Variants in SRRM2 observed in about 807,000 individuals in gnomAD.
The protein encoded by SRRM2 is serine/arginine repetitive matrix protein 2.
In SRRM2, 30 loss-of-function variants were observed where a neutral mutation model predicts 213.8. The observed-to-expected ratio is 0.14, with a 90% CI of 0.10 to 0.19. The LOEUF is 0.19. SRRM2 is among the 10% of genes least tolerant of loss of function. The probability of loss-of-function intolerance (pLI) is 1.00; values close to 1 mark genes in which losing one functional copy is unlikely to be tolerated. For missense variants in SRRM2, 4,904 were observed against 3,647.0 expected, an observed-to-expected ratio of 1.34 and a Z score of -8.88; for synonymous variants, 2,025 against 1,377.7, an observed-to-expected ratio of 1.47 and a Z score of -10.40.
rs1022761967 is a variant in SRRM2 at position 2,767,738 on chromosome 16, C to G, written c.7210C>G (p.Arg2404Gly). The G allele has an allele frequency of 6.2e-7, 1 of 1,613,758 alleles. No homozygotes were observed. The highest frequency in any genetic ancestry group is 8.5e-7 in the Non-Finnish European group (1 of 1,179,934). Reference sequence around the variant, plus strand: ...CAGAACCTCACCACCGCTCCTTGACCGAGCTAGGTCCAGAACACCACCGTC... The same window carrying G: ...CAGAACCTCACCACCGCTCCTTGACGGAGCTAGGTCCAGAACACCACCGTC... ...SGRTSPPLLD[R>G]ARSRTPPSAP... The change falls in exon 11 of 15, where the codon CGA becomes GGA. Residue 2404 changes from arginine to glycine, a missense_variant. Coordinates refer to ENST00000301740, the MANE Select transcript of SRRM2 (RefSeq NM_016333.4).
Position 2,757,466 on chromosome 16 carries a change from C to G in SRRM2, c.243-6C>G. On this transcript the variant is annotated splice_polypyrimidine_tract_variant and splice_region_variant and intron_variant, in intron 2 of 14. Transcript: ENST00000301740. ...GAGCTTAACCCTGAAGGGATTTGTTCTTCAGGTACGAGGAACAGCAAATTC... is the reference window on the plus strand; with the variant it reads ...GAGCTTAACCCTGAAGGGATTTGTTGTTCAGGTACGAGGAACAGCAAATTC... 6.2e-7 allele frequency: 1 copy of G among 1,613,540 alleles called. No homozygotes were observed. The highest frequency in any genetic ancestry group is 8.5e-7 in the Non-Finnish European group (1 of 1,179,572).
intron 12 of SRRM2, chr16:2,770,053 C>A: frequency 9.3e-7 from 1 of 1,071,396 alleles, no homozygotes; most frequent in Non-Finnish European, 1.3e-6. Context: ...TCCCCAGAGC[C>A]ACGCACATCC....
At chr16:2,769,900 C>T (rs1428992468) in intron 12 of SRRM2, 2 of 454,462 alleles carry the variant, frequency 4.4e-6, no homozygotes, top group Non-Finnish European at 4.4e-6. Flanking sequence ...GAGCCCATGC[C>T]TTTGGACATG....
intron 1 of SRRM2, among the ~76,000 whole-genome samples, chr16:2,753,269 C>T (rs2068006351): frequency 1.3e-5 from 2 of 152,220 alleles, no homozygotes; most frequent in African/African-American, 2.4e-5. Context: ...ATCTCCTTTC[C>T]TCGGGCTTCT....
intron 4 of SRRM2, 44 bp from the exon 5 acceptor site, chr16:2,758,426 G>A (rs1297800476): frequency 6.8e-7 from 1 of 1,476,442 alleles, no homozygotes; most frequent in Admixed American, 1.7e-5. Context: ...AGAAAGGAAT[G>A]TTTGTTCTAC....
chr16:2,770,697 C>T lies in SRRM2; in HGVS notation c.8229C>T (p.Pro2743=). ...GGAGGGAGACACCTAGCCCTCGGCC[C>T]ATGAGACACCGCTCCTCCAGGTGCG... ...KRRRETPSPR[P]MRHRSSRSP Residue 2743 remains proline, a synonymous_variant, in exon 14 of 15, where the codon CCC becomes CCT. Transcript: ENST00000301740. 6.4e-7 allele frequency: 1 copy of T among 1,559,728 alleles called. No individual in the cohort carries two copies. Among genetic ancestry groups the T allele is most frequent in the African/African-American group, 1.4e-5 (1 of 73,660 alleles).
Position 2,766,607 on chromosome 16 carries a change from C to A in SRRM2, c.6079C>A (p.Arg2027=). The change falls in exon 11 of 15, where the codon CGG becomes AGG. Residue 2027 remains arginine, a synonymous_variant. Transcript: ENST00000301740. This position sits in a 1 kb window ranked among gnomAD's most constrained non-coding sequence, Gnocchi z 7.0. ...TAGGTCCCGGACACCTCCAGCTATT[C>A]GGCGCCGCTCTAGATCTCGAACGCC... is the stretch of plus-strand genomic sequence containing the variant. ...RSRSRTPPAI[R]RRSRSRTPLL... The A allele has an allele frequency of 1.2e-6, 2 of 1,613,838 alleles. No individual in the cohort carries two copies. Among genetic ancestry groups the A allele is most frequent in the Non-Finnish European group, 1.7e-6 (2 of 1,179,858 alleles).
chr16:2,765,257 A>C lies in SRRM2; in HGVS notation c.4729A>C (p.Ser1577Arg), dbSNP rs200532544. The change falls in exon 11 of 15, where the codon AGT becomes CGT. Residue 1577 changes from serine to arginine, a missense_variant. By Grantham distance (110) the Ser-to-Arg change is moderately radical. Coordinates refer to ENST00000301740, the MANE Select transcript of SRRM2 (RefSeq NM_016333.4). ...AKTRTPLRQR[S>R]RSGSSPEVDS... ...GACAAGAACCCCACTTCGGCAGAGGAGTCGGTCTGGATCATCTCCAGAGGT... is the reference window on the plus strand; with the variant it reads ...GACAAGAACCCCACTTCGGCAGAGGCGTCGGTCTGGATCATCTCCAGAGGT... The C allele has an allele frequency of 1.7e-5, 27 of 1,613,950 alleles. No individual in the cohort carries two copies. In the Admixed American group the frequency reaches 2.7e-4, roughly 16 times the overall value.
rs572849047 is a variant in SRRM2 at position 2,763,953 on chromosome 16, C to G, written c.3425C>G (p.Ser1142Cys). 1.2e-6 allele frequency: 2 copies of G among 1,614,196 alleles called. No individual in the cohort carries two copies. The highest frequency in any genetic ancestry group is 1.1e-5 in the South Asian group (1 of 91,084). ...SPEQSRFQSDSSSYPTVDSNS... is the reference protein window; with the variant it reads ...SPEQSRFQSDCSSYPTVDSNS... ...GAGCAGAGCAGGTTCCAGTCTGACT[C>G]TTCTTCATATCCTACAGTGGACTCG... The change falls in exon 11 of 15, where the codon TCT becomes TGT. Residue 1142 changes from serine (S) to cysteine (C), a missense_variant. Physicochemically the swap from Ser to Cys is moderately radical, Grantham distance 112. Coordinates refer to ENST00000301740, the MANE Select transcript of SRRM2 (RefSeq NM_016333.4).
chr16:2,767,720 TCAC>T lies in SRRM2; in HGVS notation c.7197_7199del (p.Pro2400del). 1 of 1,613,100 alleles carries T rather than the reference TCAC, an allele frequency of 6.2e-7. No homozygotes were observed. Among genetic ancestry groups the T allele is most frequent in the Non-Finnish European group, 8.5e-7 (1 of 1,179,832 alleles). On this transcript the variant is annotated inframe_deletion, in exon 11 of 15. Coordinates refer to ENST00000301740, the MANE Select transcript of SRRM2 (RefSeq NM_016333.4). ...CTACGAGCGTGTCAGTGGCAGAACCTCACCACCGCTCCTTGACCGAGCTAGGTC... is the reference window on the plus strand; with the variant it reads ...CTACGAGCGTGTCAGTGGCAGAACCTCACCGCTCCTTGACCGAGCTAGGTC...
At chr16:2,759,283 C>T (rs1374472548) in intron 7 of SRRM2, 69 bp from the exon 8 acceptor site, 2 of 1,606,862 alleles carry the variant, frequency 1.2e-6, no homozygotes, top group Non-Finnish European at 8.5e-7. Context: ...CTCCCTCTTT[C>T]CATTTCACTT....
chr16:2,758,985 C>T lies in SRRM2; in HGVS notation c.594C>T (p.Arg198=). 1 of 1,614,098 alleles carries T rather than the reference C, an allele frequency of 6.2e-7. No individual in the cohort carries two copies. The highest frequency in any genetic ancestry group is 1.3e-5 in the African/African-American group (1 of 75,036). ...AGCTTGCTTTTGAATCCATCTTTAGCAGGTCAGAGAGCAGCTCTCCTCGAC... is the reference window on the plus strand; with the variant it reads ...AGCTTGCTTTTGAATCCATCTTTAGTAGGTCAGAGAGCAGCTCTCCTCGAC... ...KKKKKKKDRG[R]RSESSSPRRE... The change falls in exon 6 of 15, where the codon CGC becomes CGT. Residue 198 remains arginine, a splice_region_variant and synonymous_variant. Coordinates refer to ENST00000301740, the MANE Select transcript of SRRM2 (RefSeq NM_016333.4).
Position 2,766,692 on chromosome 16 carries a change from G to C in SRRM2, c.6164G>C (p.Arg2055Thr), listed in dbSNP as rs372917335. Reference protein sequence around the residue: ...RSPLAIRRRSRSRTPRTARGK... With the variant: ...RSPLAIRRRSTSRTPRTARGK... ...CCACTTGCTATCCGCCGCCGCTCCA[G>C]ATCCCGTACTCCACGAACAGCTCGG... Residue 2055 changes from arginine (R) to threonine (T), a missense_variant, in exon 11 of 15, where the codon AGA (arginine) becomes ACA (threonine). Physicochemically the swap from Arg to Thr is moderately conservative, Grantham distance 71. Coordinates refer to ENST00000301740, the MANE Select transcript of SRRM2 (RefSeq NM_016333.4). This position sits in a 1 kb window ranked among gnomAD's most constrained non-coding sequence, Gnocchi z 7.0. 1.9e-6 allele frequency: 3 copies of C among 1,614,056 alleles called. No individual in the cohort carries two copies. Among genetic ancestry groups the C allele is most frequent in the East Asian group, 4.5e-5 (2 of 44,900 alleles).
At chr16:2,769,423 CCT>C in intron 12 of SRRM2, 139 bp downstream of exon 12, 2 of 985,766 alleles carry the variant, frequency 2.0e-6, no homozygotes, top group South Asian at 3.2e-5. Flanking sequence ...CACTTGCTCT[CCT>C]CTCCCCATGC....
chr16:2,766,346 C>T lies in SRRM2; in HGVS notation c.5818C>T (p.Pro1940Ser), dbSNP rs370638104. The change falls in exon 11 of 15, where the codon CCA becomes TCA. Residue 1940 changes from proline (P) to serine (S), a missense_variant. Coordinates refer to ENST00000301740, the MANE Select transcript of SRRM2 (RefSeq NM_016333.4). The surrounding 1 kb of genome is among the most constrained non-coding windows in gnomAD (Gnocchi z 7.0). ...VTRRRSRSRT[P>S]TTRRRSRSRT... is the part of the protein sequence containing the mutation. ...CCGCCGTCGTTCAAGGTCTAGAACGCCAACAACACGCCGCCGCTCCCGTTC... is the reference window on the plus strand; with the variant it reads ...CCGCCGTCGTTCAAGGTCTAGAACGTCAACAACACGCCGCCGCTCCCGTTC... 6.2e-7 allele frequency: 1 copy of T among 1,614,152 alleles called. No homozygotes were observed. The highest frequency in any genetic ancestry group is 8.5e-7 in the Non-Finnish European group (1 of 1,180,008).
intron 8 of SRRM2, 22 bp from the exon 9 acceptor site, chr16:2,759,546 CT>C: frequency 6.2e-7 from 1 of 1,612,786 alleles, no homozygotes; most frequent in African/African-American, 1.3e-5. Context: ...GTACCCTGAG[CT>C]GTGGTGGTGG....
In SRRM2 at chr16:2,771,374, G is replaced by C; in HGVS notation, c.*507G>C. ...GTTTTTTAAAATCTGTACAGCAAGA[G>C]CAACTTTTTCTGTCAAATAAAAATG... On this transcript the variant is annotated 3_prime_UTR_variant, in exon 15 of 15. Transcript: ENST00000301740. The C allele has an allele frequency of 6.2e-7, 1 of 1,601,624 alleles. No individual in the cohort carries two copies. Among genetic ancestry groups the C allele is most frequent in the Non-Finnish European group, 8.6e-7 (1 of 1,169,314 alleles).
chr16:2,761,708 C>G lies in SRRM2; in HGVS notation c.1180C>G (p.Pro394Ala), dbSNP rs775228311. Residue 394 changes from proline (P) to alanine (A), a missense_variant, in exon 11 of 15, where the codon CCA becomes GCA. Pro to Ala is a conservative substitution (Grantham distance 27). Transcript: ENST00000301740. The part of the protein sequence containing the change: ...TPLSQEPVNP[P>A]SEASPTRDRS... ...CTTAAGCCAGGAGCCAGTGAACCCC[C>G]CATCTGAGGCCTCTCCAACTCGGGA... is the stretch of plus-strand genomic sequence containing the variant. 3 of 1,605,886 alleles carry G rather than the reference C, an allele frequency of 1.9e-6. No homozygotes were observed. In the Admixed American group the frequency reaches 5.1e-5, roughly 27 times the overall value.
chr16:2,761,486 G>T, intron 10 of SRRM2, 75 bp from the exon 11 acceptor site: 1 of 1,239,634 alleles, frequency 8.1e-7, no homozygotes, highest in Non-Finnish European at 1.1e-6. Flanking sequence ...ATTGGAAAGG[G>T]TGTTGGGATC....
Sources: allele counts gnomAD v4.1 joint callset (sites outside exome capture counted in the v4.1 genomes callset), GRCh38; gene constraint gnomAD v4.1.1; non-coding constraint Gnocchi (gnomAD v3.1); transcripts MANE v1.5; gene names NCBI Gene and HGNC (gene_info 2026-07-23, HGNC 2026-07-21).